DPP6: variants seen among roughly 807,000 people sequenced by gnomAD.
DPP6 encodes the protein dipeptidyl peptidase like 6, also known as A-type potassium channel modulatory protein DPP6.
DPP6 carries 69 observed loss-of-function variants against 122.6 expected under a neutral mutation model. The ratio of observed to expected loss-of-function variants is 0.56; its 90% confidence interval spans 0.46 to 0.69. The LOEUF is 0.69. DPP6 is among the 30% of genes least tolerant of loss of function. DPP6 has a pLI of 0.00. For synonymous variants in DPP6, 418 were observed against 433.1 expected (o/e 0.97, Z 0.43); for missense variants, 928 against 1,116.9 (o/e 0.83, Z 2.41).
chr7:153,926,417 G>A (rs543102261), intron 1 of DPP6, among the ~76,000 whole-genome samples: 4 of 152,276 alleles, frequency 2.6e-5, no homozygotes, highest in South Asian at 2.1e-4. Context: ...CTGTGAATTC[G>A]TTACAGGAAA....
At chr7:154,270,336 G>A (rs1209521666) in intron 1 of DPP6, among the ~76,000 whole-genome samples, 1 of 152,144 alleles carries the variant, frequency 6.6e-6, no homozygotes, top group Non-Finnish European at 1.5e-5. Flanking sequence ...GATCATTACT[G>A]TTTATGAACT....
chr7:154,748,376 G>A (rs945458504), intron 8 of DPP6, among the ~76,000 whole-genome samples: 5 of 152,170 alleles, frequency 3.3e-5, no homozygotes, highest in African/African-American at 7.2e-5. Flanking sequence ...GGGGGTCTCC[G>A]GGTCTGGGCA....
intron 1 of DPP6, among the ~76,000 whole-genome samples, chr7:154,168,086 A>G (rs1797344427): frequency 6.6e-6 from 1 of 152,204 alleles, no homozygotes; most frequent in Non-Finnish European, 1.5e-5. Flanking sequence ...GCTGAAGATA[A>G]CACCGGGGAA....
chr7:154,412,617 T>C (rs1272435424), intron 1 of DPP6, among the ~76,000 whole-genome samples: 1 of 152,204 alleles, frequency 6.6e-6, no homozygotes, highest in Non-Finnish European at 1.5e-5. Flanking sequence ...TTTGGTTATC[T>C]CTGGAAATGG....
At chr7:153,781,378 A>G in the DPP6 span, among the ~76,000 whole-genome samples, 2 of 152,194 alleles carry the variant, frequency 1.3e-5, no homozygotes, top group Admixed American at 6.5e-5. Flanking sequence ...CAGTTGCAGC[A>G]TTGGGCAGTA....
At chr7:154,028,848 G>C (rs951872850) in intron 1 of DPP6, among the ~76,000 whole-genome samples, 10 of 152,026 alleles carry the variant, frequency 6.6e-5, no homozygotes, top group Non-Finnish European at 8.8e-5. Context: ...ACTGTGTGCT[G>C]CCCGCAGCCA....
intron 7 of DPP6, among the ~76,000 whole-genome samples, chr7:154,715,704 G>A (rs901762002): frequency 6.6e-6 from 1 of 152,158 alleles, no homozygotes; most frequent in African/African-American, 2.4e-5. Context: ...TCAGCTGTAC[G>A]CTTTGCTCAA....
chr7:154,756,862 C>T (rs777414408), intron 8 of DPP6, among the ~76,000 whole-genome samples: 41 of 152,036 alleles, frequency 2.7e-4, no homozygotes, highest in Non-Finnish European at 5.0e-4. Context: ...GTTCCCTTCT[C>T]CATCCCTCAC....
chr7:153,822,443 G>C, the DPP6 span, among the ~76,000 whole-genome samples: 2 of 151,894 alleles, frequency 1.3e-5, no homozygotes, highest in African/African-American at 4.8e-5. Context: ...TGCCCACCTC[G>C]GCCTCCCACA....
At chr7:154,373,108 T>TA (rs889402474) in intron 1 of DPP6, among the ~76,000 whole-genome samples, 10 of 152,060 alleles carry the variant, frequency 6.6e-5, no homozygotes, top group African/African-American at 2.2e-4. Context: ...TTCTTTCATT[T>TA]AAAAAAAATT....
intron 20 of DPP6, among the ~76,000 whole-genome samples, chr7:154,879,947 C>T (rs1470592887): frequency 6.6e-6 from 1 of 152,212 alleles, no homozygotes; most frequent in East Asian, 1.9e-4. Flanking sequence ...CGGTTTTCCT[C>T]TTGTTCATCT....
intron 7 of DPP6, among the ~76,000 whole-genome samples, chr7:154,683,987 G>C (rs1485960299): frequency 6.6e-6 from 1 of 152,140 alleles, no homozygotes; most frequent in East Asian, 1.9e-4. Flanking sequence ...TCCCACCTCA[G>C]CCTCCTGAGT....
chr7:154,603,656 C>CAAAAAAAAA lies in DPP6; in HGVS notation c.628-34146_628-34138dup, dbSNP rs779501891. 3.1e-3 allele frequency among the ~76,000 whole-genome samples: 77 copies of CAAAAAAAAA among 24,964 alleles called. 10 individuals are homozygous for CAAAAAAAAA. Among genetic ancestry groups the CAAAAAAAAA allele is most frequent in the African/African-American group, 8.4e-3 (76 of 9,012 alleles). The allele number at this position is 24,964 out of a possible 152,430, so 16.4% of individuals were successfully genotyped here. Reference sequence around the variant, plus strand: ...GGGTGACGAGAGTGAAACTCTGTCTCAAAAAAAAAAAAAAAAAAAAAAAAA... The same window carrying CAAAAAAAAA: ...GGGTGACGAGAGTGAAACTCTGTCTCAAAAAAAAAAAAAAAAAAAAAAAAAAAAAAAAAA... On this transcript the variant is annotated intron_variant, in intron 5 of 25. Coordinates refer to ENST00000377770, the MANE Select transcript of DPP6 (RefSeq NM_130797.4).
At chr7:154,878,144 G>A (rs1342241172) in intron 20 of DPP6, among the ~76,000 whole-genome samples, 1 of 152,168 alleles carries the variant, frequency 6.6e-6, no homozygotes, top group African/African-American at 2.4e-5. Flanking sequence ...TTGGAAGCCC[G>A]GGGCCTCCCC....
chr7:154,812,460 G>T (rs1799127909), intron 16 of DPP6, among the ~76,000 whole-genome samples: 1 of 152,148 alleles, frequency 6.6e-6, no homozygotes, highest in Admixed American at 6.5e-5. Flanking sequence ...CTGGAAGCTG[G>T]AAATCCAAGA....
chr7:154,074,172 T>G (rs190032975), intron 1 of DPP6, among the ~76,000 whole-genome samples: 183 of 148,574 alleles, frequency 1.2e-3, no homozygotes, highest in African/African-American at 3.0e-3. Flanking sequence ...TAGCTATATA[T>G]AGAGAGAAAG....
chr7:154,539,008 A>G (rs968846183), intron 3 of DPP6, among the ~76,000 whole-genome samples: 1 of 152,228 alleles, frequency 6.6e-6, no homozygotes, highest in African/African-American at 2.4e-5. Flanking sequence ...TTTTCATTAT[A>G]TTGATAGACT....
rs556924847 is a variant in DPP6, at chr7:154,631,292, G to T, written c.628-6529G>T. 1.1e-4 allele frequency among the ~76,000 whole-genome samples: 16 copies of T among 152,342 alleles called. No homozygotes were observed. In the South Asian group the frequency reaches 1.5e-3, roughly 14 times the overall value. ...CTGGATGGAGGGGCAGGAGGCGAAG[G>T]AGAGCAGGTCCTGGAATCAGGAAAG... On this transcript the variant is annotated intron_variant, in intron 5 of 25. Coordinates refer to ENST00000377770, the MANE Select transcript of DPP6 (RefSeq NM_130797.4).
chr7:154,723,602 C>T (rs926302027), intron 7 of DPP6, among the ~76,000 whole-genome samples: 2 of 152,142 alleles, frequency 1.3e-5, no homozygotes, highest in Non-Finnish European at 2.9e-5. Flanking sequence ...GAAGTGAATC[C>T]TTGAAGAACC....
Sources: allele counts gnomAD v4.1 joint callset (sites outside exome capture counted in the v4.1 genomes callset), GRCh38; gene constraint gnomAD v4.1.1; transcripts MANE v1.5; gene names NCBI Gene and HGNC (gene_info 2026-07-23, HGNC 2026-07-21).